Variants in LINGO2 observed in about 807,000 individuals in gnomAD.
The protein encoded by LINGO2 is leucine rich repeat and Ig domain containing 2.
In LINGO2, 14 loss-of-function variants were observed where a neutral mutation model predicts 30.6. The observed-to-expected ratio is 0.46, with a 90% CI of 0.30 to 0.72. The LOEUF is 0.72. Among genes scored for constraint, LINGO2 ranks in the 30% least tolerant of loss-of-function variants. The pLI is 0.07. For missense variants in LINGO2, 729 were observed against 751.7 expected, an observed-to-expected ratio of 0.97 and a Z score of 0.35; for synonymous variants, 317 against 288.5, an observed-to-expected ratio of 1.10 and a Z score of -1.00.
the LINGO2 span, among the ~76,000 whole-genome samples, chr9:28,793,632 C>T: frequency 6.6e-6 from 1 of 152,124 alleles, no homozygotes; most frequent in East Asian, 1.9e-4. Context: ...AAGCAGAATC[C>T]TTTTATCCAT....
chr9:28,990,615 G>T, the LINGO2 span, among the ~76,000 whole-genome samples: 1 of 152,134 alleles, frequency 6.6e-6, no homozygotes. Context: ...CCCAGTAGGG[G>T]CAGACTGACA....
the LINGO2 span, among the ~76,000 whole-genome samples, chr9:28,680,780 G>A: frequency 1.3e-5 from 2 of 152,122 alleles, no homozygotes; most frequent in African/African-American, 4.8e-5. Context: ...TTTGAGAAAT[G>A]TCTGTTCAGA....
At chr9:29,165,064 A>G in the LINGO2 span, among the ~76,000 whole-genome samples, 1 of 152,152 alleles carries the variant, frequency 6.6e-6, no homozygotes, top group Non-Finnish European at 1.5e-5. Context: ...ACAGCAATGA[A>G]AAATAAAACG....
chr9:28,653,749 G>A (rs570225667), intron 1 of LINGO2, among the ~76,000 whole-genome samples: 16 of 152,180 alleles, frequency 1.1e-4, no homozygotes, highest in African/African-American at 3.9e-4. Flanking sequence ...CACTGTACGG[G>A]ATTGTTTTTT....
intron 3 of LINGO2, among the ~76,000 whole-genome samples, chr9:28,325,501 G>A: frequency 6.6e-6 from 1 of 152,064 alleles, no homozygotes; most frequent in East Asian, 1.9e-4. Flanking sequence ...AATTCCCACT[G>A]TGTTGTGGGA....
At chr9:28,465,017 C>T (rs1303918712) in intron 2 of LINGO2, among the ~76,000 whole-genome samples, 2 of 152,022 alleles carry the variant, frequency 1.3e-5, no homozygotes, top group Non-Finnish European at 2.9e-5. Context: ...TGGGCGCCGC[C>T]CCCCCGCCCC....
At chr9:28,687,562 C>G in the LINGO2 span, among the ~76,000 whole-genome samples, 1 of 152,002 alleles carries the variant, frequency 6.6e-6, no homozygotes, top group Admixed American at 6.6e-5. Flanking sequence ...AGTCAGCAGT[C>G]CTCACTACTC....
chr9:28,971,534 C>G, the LINGO2 span, among the ~76,000 whole-genome samples: 1 of 152,160 alleles, frequency 6.6e-6, no homozygotes, highest in African/African-American at 2.4e-5. Flanking sequence ...GTGGTGGTGG[C>G]CATAGGGTGT....
chr9:28,599,415 G>A (rs902639325), intron 1 of LINGO2: 1 of 152,126 alleles, frequency 6.6e-6, no homozygotes, highest in African/African-American at 2.4e-5. Flanking sequence ...AGATATTTAA[G>A]TAAATGCTGT....
the LINGO2 span, among the ~76,000 whole-genome samples, chr9:28,970,147 G>GGGCA: frequency 1.3e-5 from 2 of 152,068 alleles, no homozygotes; most frequent in Admixed American, 6.6e-5. Context: ...ACTAAGCTTA[G>GGGCA]GGCACATCAG....
intron 2 of LINGO2, among the ~76,000 whole-genome samples, chr9:28,447,988 G>A (rs927082902): frequency 1.3e-5 from 2 of 152,096 alleles, no homozygotes; most frequent in Non-Finnish European, 2.9e-5. Flanking sequence ...AGAGATAGAA[G>A]AGAGGTCTCT....
intron 1 of LINGO2, among the ~76,000 whole-genome samples, chr9:28,552,899 T>A (rs1376137954): frequency 1.3e-5 from 2 of 151,140 alleles, no homozygotes; most frequent in Non-Finnish European, 3.0e-5. Context: ...AAAAAAAAAA[T>A]CTGTGTTCTT....
the LINGO2 span, among the ~76,000 whole-genome samples, chr9:29,091,330 G>T: frequency 6.6e-6 from 1 of 151,970 alleles, no homozygotes; most frequent in Non-Finnish European, 1.5e-5. Flanking sequence ...TAGATTTATA[G>T]ACATTATTTT....
chr9:27,969,701 AAAACAAAC>A lies in LINGO2; in HGVS notation c.-35-19003_-35-18996del, dbSNP rs150464767. 1.2e-4 allele frequency among the ~76,000 whole-genome samples: 18 copies of A among 152,080 alleles called. No individual in the cohort carries two copies. In the South Asian group the frequency reaches 2.9e-3, roughly 25 times the overall value. On this transcript the variant is annotated intron_variant, in intron 5 of 5. Transcript: ENST00000379992. ...GCTCTAAAGTCCTAGTTACTCTAGT[AAAACAAAC>A]AAACAAACAAACAAACACAACCAAA...
At chr9:28,337,139 A>T (rs894571718) in intron 3 of LINGO2, among the ~76,000 whole-genome samples, 2 of 150,246 alleles carry the variant, frequency 1.3e-5, no homozygotes, top group African/African-American at 4.9e-5. Flanking sequence ...TCCTGAAAGC[A>T]CAGTGTTATA....
At chr9:28,220,784 C>T (rs1377600567) in intron 4 of LINGO2, among the ~76,000 whole-genome samples, 2 of 151,164 alleles carry the variant, frequency 1.3e-5, no homozygotes, top group East Asian at 2.0e-4. Context: ...GGTGTAGATG[C>T]CACTAAGTCC....
chr9:28,298,784 C>T (rs1266672958), intron 3 of LINGO2, among the ~76,000 whole-genome samples: 1 of 152,042 alleles, frequency 6.6e-6, no homozygotes, highest in South Asian at 2.1e-4. Context: ...TGACAATGTG[C>T]AAACAGGTTC....
the LINGO2 span, among the ~76,000 whole-genome samples, chr9:28,796,933 G>T: frequency 6.6e-6 from 1 of 151,690 alleles, no homozygotes; most frequent in Non-Finnish European, 1.5e-5. Context: ...TGGTGGCTGT[G>T]TGTGCATGTG....
At chr9:29,042,774 C>T in the LINGO2 span, among the ~76,000 whole-genome samples, 1 of 151,932 alleles carries the variant, frequency 6.6e-6, no homozygotes, top group South Asian at 2.1e-4. Flanking sequence ...TTCTAATACA[C>T]ACAATTTGGA....
Sources: allele counts gnomAD v4.1 joint callset (sites outside exome capture counted in the v4.1 genomes callset), GRCh38; gene constraint gnomAD v4.1.1; transcripts MANE v1.5; gene names NCBI Gene and HGNC (gene_info 2026-07-23, HGNC 2026-07-21).